AVEN: variants seen among roughly 807,000 people sequenced by gnomAD.
The protein encoded by AVEN is cell death regulator Aven.
A neutral mutation model predicts 38.1 loss-of-function variants in AVEN; 41 were observed. That is an observed-to-expected ratio of 1.08 (90% CI 0.84 to 1.40). AVEN has a LOEUF of 1.40. AVEN is among the 40% of genes most tolerant of loss of function. The pLI is 0.00. For missense variants in AVEN, 605 were observed against 438.8 expected (o/e 1.38, Z -3.38); for synonymous variants, 206 against 171.8 (o/e 1.20, Z -1.56).
chr15:33,889,164 T>A (rs1415209260), intron 2 of AVEN, among the ~76,000 whole-genome samples: 1 of 152,246 alleles, frequency 6.6e-6, no homozygotes, highest in East Asian at 1.9e-4. Flanking sequence ...GATTTCTAAA[T>A]ACAAACATGA....
upstream of AVEN, among the ~76,000 whole-genome samples, chr15:34,042,778 A>G (rs1393945032): frequency 2.0e-5 from 3 of 152,176 alleles, no homozygotes; most frequent in African/African-American, 7.2e-5. Context: ...CCAGAAAAAT[A>G]GCATCACCTG....
At position 34,063,188 on chromosome 15, in the gene AVEN, C is replaced by CTCCTT; in HGVS notation, n.1366_1370dup. 6.2e-7 allele frequency: 1 copy of CTCCTT among 1,614,192 alleles called. No homozygotes were observed. Among genetic ancestry groups the CTCCTT allele is most frequent in the Non-Finnish European group, 8.5e-7 (1 of 1,180,034 alleles). On this transcript the variant is annotated non_coding_transcript_exon_variant, in exon 5 of 12. Transcript: ENST00000675287. The surrounding 1 kb of genome is among the most constrained non-coding windows in gnomAD (Gnocchi z 4.1). The stretch of plus-strand genomic sequence containing the variant: ...TCATGATTGGCTTGGCCTGGCTGAT[C>CTCCTT]TCCTTCATCCTCTGGGCCCCAGCAA...
At chr15:34,020,096 G>A (rs1295097853) in intron 1 of AVEN, among the ~76,000 whole-genome samples, 1 of 152,112 alleles carries the variant, frequency 6.6e-6, no homozygotes, top group African/African-American at 2.4e-5. Flanking sequence ...TGGATCACAA[G>A]GTCAGGAGAT....
downstream of AVEN, among the ~76,000 whole-genome samples, chr15:33,855,586 A>C (rs2079568048): frequency 6.6e-6 from 1 of 150,954 alleles, no homozygotes. Context: ...CTGTACACAG[A>C]AAACTCCCCA....
chr15:34,008,943 C>T (rs11632173), intron 1 of AVEN, among the ~76,000 whole-genome samples: 22,870 of 75,384 alleles, frequency 0.3, 2,197 homozygotes, highest in Middle Eastern at 0.4. Context: ...CACACTCACA[C>T]GTGCGCGCGC....
intron 2 of AVEN, among the ~76,000 whole-genome samples, chr15:33,884,056 A>T (rs1016758798): frequency 1.3e-5 from 2 of 152,138 alleles, no homozygotes; most frequent in Non-Finnish European, 2.9e-5. Flanking sequence ...ACAACCTGGC[A>T]TCGATTTTTC....
At chr15:33,964,731 C>G (rs1327182424) in intron 2 of AVEN, among the ~76,000 whole-genome samples, 1 of 152,058 alleles carries the variant, frequency 6.6e-6, no homozygotes, top group African/African-American at 2.4e-5. Context: ...AAAAATAAAT[C>G]ACCCTTTATA....
At chr15:33,871,064 G>C (rs755702156) in intron 3 of AVEN, 34 bp from the exon 4 acceptor site, 1 of 1,270,818 alleles carries the variant, frequency 7.9e-7, no homozygotes, top group Non-Finnish European at 1.0e-6. Flanking sequence ...TAAAATATCA[G>C]GTGATGATTA....
intron 2 of AVEN, among the ~76,000 whole-genome samples, chr15:33,915,805 C>T (rs12592619): frequency 0.49 from 74,218 of 151,972 alleles, 19,830 homozygotes; most frequent in Middle Eastern, 0.6. Flanking sequence ...CTCAGCCCTG[C>T]TCACCCGCGG....
intron 1 of AVEN, among the ~76,000 whole-genome samples, chr15:34,011,830 G>C (rs908258607): frequency 6.6e-6 from 1 of 152,184 alleles, no homozygotes; most frequent in Non-Finnish European, 1.5e-5. Context: ...CCACACCAGG[G>C]ACAGACTATG....
chr15:33,966,965 A>AAG (rs1000421390), intron 2 of AVEN, among the ~76,000 whole-genome samples: 4 of 152,080 alleles, frequency 2.6e-5, no homozygotes, highest in African/African-American at 4.8e-5. Context: ...TCTCCACTGA[A>AAG]CTCTAAGTCA....
chr15:34,017,484 G>T (rs10851923), intron 1 of AVEN, among the ~76,000 whole-genome samples: 39,202 of 106,750 alleles, frequency 0.37, 6,770 homozygotes, highest in East Asian at 0.65. Flanking sequence ...TTTTTTTTTT[G>T]TTTTTTTTTT....
intron 1 of AVEN, among the ~76,000 whole-genome samples, chr15:34,025,431 G>C (rs1898414051): frequency 6.6e-6 from 1 of 152,166 alleles, no homozygotes; most frequent in South Asian, 2.1e-4. Flanking sequence ...AATCAGAGAA[G>C]TAGACTAGAG....
At chr15:34,008,483 CTTTTTTTTTTTTT>C (rs200355232) in intron 1 of AVEN, among the ~76,000 whole-genome samples, 88,386 of 122,024 alleles carry the variant, frequency 0.72, 33,803 homozygotes, top group Non-Finnish European at 0.84. Flanking sequence ...GATGAAAAAC[CTTTTTTTTTTTTT>C]TTTTTTTTTT....
chr15:34,057,287 C>T (rs1900192219), intron 5 of AVEN, among the ~76,000 whole-genome samples: 1 of 141,914 alleles, frequency 7.0e-6, no homozygotes, highest in African/African-American at 2.6e-5. Flanking sequence ...TAGGCACATG[C>T]CACCACGCCC....
chr15:34,044,666 C>G, intron 5 of AVEN, among the ~76,000 whole-genome samples: 1 of 152,172 alleles, frequency 6.6e-6, no homozygotes, highest in East Asian at 1.9e-4. Flanking sequence ...AACCCCATAG[C>G]CTGTGGCAGG....
At position 33,898,432 on chromosome 15, in the gene AVEN, G is replaced by A. The variant is rs534345110; in HGVS notation, c.446-22437C>T. Among the ~76,000 whole-genome samples, 4 of 152,286 alleles carry A rather than the reference G, an allele frequency of 2.6e-5. No homozygotes were observed. The East Asian group carries it at 7.7e-4, about 29-fold the overall frequency. ...AAGTCTGAAATCAACATGCTGGCAA[G>A]GCCATGCTGTCTCTGAAGGCTCTAG... On this transcript the variant is annotated intron_variant, in intron 2 of 5. Transcript: ENST00000306730.
intron 2 of AVEN, among the ~76,000 whole-genome samples, chr15:33,934,388 C>T (rs1364348699): frequency 6.6e-6 from 1 of 152,082 alleles, no homozygotes; most frequent in African/African-American, 2.4e-5. Context: ...CAATTAGAGA[C>T]CAAGCAATTC....
chr15:34,023,897 CT>C (rs1898321284), intron 1 of AVEN, among the ~76,000 whole-genome samples: 1 of 152,110 alleles, frequency 6.6e-6, no homozygotes, highest in South Asian at 2.1e-4. Context: ...CATTCTGGCT[CT>C]TTTTATTGAT....
Sources: gnomAD v4.1 joint callset for allele counts (sites outside exome capture counted in the v4.1 genomes callset) on GRCh38, gnomAD v4.1.1 for gene constraint, Gnocchi (gnomAD v3.1) non-coding constraint, MANE v1.5 for transcripts, NCBI Gene and HGNC (gene_info 2026-07-23, HGNC 2026-07-21) for gene names.